Variants in IL1RAP observed in about 807,000 individuals in gnomAD.
The protein encoded by IL1RAP is interleukin 1 receptor accessory protein, also known as interleukin-1 receptor accessory protein.
IL1RAP carries 35 observed loss-of-function variants against 60.7 expected under a neutral mutation model. That is an observed-to-expected ratio of 0.58 (90% CI 0.44 to 0.76). IL1RAP has a LOEUF of 0.76. Among genes scored for constraint, IL1RAP ranks in the 30% least tolerant of loss-of-function variants. The pLI is 0.00. For synonymous variants in IL1RAP, 268 were observed against 250.9 expected (o/e 1.07, Z -0.64); for missense variants, 572 against 693.9 (o/e 0.82, Z 1.97).
At chr3:190,579,870 T>A (rs961909551) in intron 3 of IL1RAP, among the ~76,000 whole-genome samples, 6 of 152,222 alleles carry the variant, frequency 3.9e-5, no homozygotes, top group African/African-American at 1.2e-4. Context: ...TTTCACTTAA[T>A]GCAATGTTTT....
chr3:190,616,342 T>C (rs977047342), intron 5 of IL1RAP, among the ~76,000 whole-genome samples: 13 of 152,180 alleles, frequency 8.5e-5, no homozygotes, highest in African/African-American at 2.7e-4. Context: ...GAGCTAACTA[T>C]ATTGTACTTA....
intron 1 of IL1RAP, among the ~76,000 whole-genome samples, chr3:190,524,220 A>C (rs1049098758): frequency 6.6e-6 from 1 of 151,886 alleles, no homozygotes; most frequent in Non-Finnish European, 1.5e-5. Flanking sequence ...TTTCTTGTAA[A>C]TTTGTTTAGG....
chr3:190,633,306 T>A (rs1212867470), intron 9 of IL1RAP, among the ~76,000 whole-genome samples: 1 of 152,218 alleles, frequency 6.6e-6, no homozygotes, highest in East Asian at 1.9e-4. Flanking sequence ...TGCATATATA[T>A]TGTTAAATGT....
intron 1 of IL1RAP, among the ~76,000 whole-genome samples, chr3:190,529,747 G>A (rs1333054243): frequency 1.3e-5 from 2 of 151,228 alleles, no homozygotes; most frequent in Non-Finnish European, 2.9e-5. Context: ...CCAGCTACTC[G>A]GGAGGCTGAG....
chr3:190,580,796 G>T (rs2108678256), intron 3 of IL1RAP, among the ~76,000 whole-genome samples: 1 of 152,268 alleles, frequency 6.6e-6, no homozygotes, highest in East Asian at 1.9e-4. Flanking sequence ...GTTACATAAA[G>T]TGTTCTTATC....
chr3:190,608,941 C>A, intron 4 of IL1RAP, 54 bp from the exon 5 acceptor site: 1 of 1,376,658 alleles, frequency 7.3e-7, no homozygotes, highest in Non-Finnish European at 1.0e-6. Flanking sequence ...AATGTGGTTG[C>A]TCTATGAAAT....
intron 1 of IL1RAP, among the ~76,000 whole-genome samples, chr3:190,552,116 G>C (rs907402781): frequency 5.3e-5 from 8 of 152,128 alleles, no homozygotes; most frequent in African/African-American, 1.9e-4. Context: ...TGTAACTAAA[G>C]TTTGATTTTG....
At chr3:190,591,475 A>G (rs1728934436) in intron 3 of IL1RAP, among the ~76,000 whole-genome samples, 1 of 152,088 alleles carries the variant, frequency 6.6e-6, no homozygotes, top group Non-Finnish European at 1.5e-5. Flanking sequence ...TCCTCTCTCG[A>G]CTGCATTCAC....
chr3:190,612,178 TA>T (rs933920714), intron 5 of IL1RAP, among the ~76,000 whole-genome samples: 3 of 152,164 alleles, frequency 2.0e-5, no homozygotes, highest in African/African-American at 7.2e-5. Context: ...TAGTCTCAAT[TA>T]ATACTTGTTG....
intron 1 of IL1RAP, among the ~76,000 whole-genome samples, chr3:190,522,289 G>GCTTCCTTTC (rs1553824622): frequency 6.6e-5 from 9 of 135,466 alleles, no homozygotes; most frequent in Non-Finnish European, 1.1e-4. Flanking sequence ...GCCTTCCTTT[G>GCTTCCTTTC]CTTCCTTCCT....
chr3:190,611,872 G>A (rs1730852833), intron 5 of IL1RAP, among the ~76,000 whole-genome samples: 1 of 152,166 alleles, frequency 6.6e-6, no homozygotes, highest in Non-Finnish European at 1.5e-5. Flanking sequence ...TGCAGAGACT[G>A]ATTTAAGAGA....
At chr3:190,619,720 C>A (rs1731596008) in intron 5 of IL1RAP, among the ~76,000 whole-genome samples, 1 of 146,592 alleles carries the variant, frequency 6.8e-6, no homozygotes, top group Admixed American at 6.9e-5. Context: ...CTGATGAGAC[C>A]CTATCTCAAA....
At chr3:190,613,488 G>A (rs534106802) in intron 5 of IL1RAP, among the ~76,000 whole-genome samples, 1 of 152,278 alleles carries the variant, frequency 6.6e-6, no homozygotes, top group Non-Finnish European at 1.5e-5. Context: ...AAAGTGAGAA[G>A]AGAACTGAGC....
chr3:190,639,195 T>G (rs185154778), intron 9 of IL1RAP, among the ~76,000 whole-genome samples: 16 of 152,310 alleles, frequency 1.1e-4, no homozygotes, highest in Non-Finnish European at 1.9e-4. Flanking sequence ...TCAGCCATTT[T>G]CTTTTCAAAT....
intron 10 of IL1RAP, 95 bp from the exon 11 acceptor site, chr3:190,645,604 G>A (rs1040311434): frequency 8.2e-6 from 8 of 979,640 alleles, no homozygotes; most frequent in Non-Finnish European, 6.1e-6. Flanking sequence ...GTCACATAAT[G>A]AAAATGTCTA....
At chr3:190,643,628 A>G (rs1733813078) in intron 9 of IL1RAP, among the ~76,000 whole-genome samples, 1 of 152,246 alleles carries the variant, frequency 6.6e-6, no homozygotes, top group Admixed American at 6.5e-5. Context: ...AACATGGGAA[A>G]TAACTTCCAG....
intron 7 of IL1RAP, among the ~76,000 whole-genome samples, 195 bp from the exon 8 acceptor site, chr3:190,627,128 T>G (rs1732354983): frequency 6.6e-6 from 1 of 152,074 alleles, no homozygotes; most frequent in Non-Finnish European, 1.5e-5. Context: ...CTTATGGGAG[T>G]CGACTAGAGA....
chr3:190,655,908 T>G (rs1734605001), downstream of IL1RAP: 1 of 1,537,178 alleles, frequency 6.5e-7, no homozygotes, highest in Non-Finnish European at 8.7e-7. Context: ...AAGCAGTTTT[T>G]GATTTCATTC....
intron 1 of IL1RAP, among the ~76,000 whole-genome samples, chr3:190,544,029 G>A (rs1197417019): frequency 6.6e-6 from 1 of 152,088 alleles, no homozygotes; most frequent in Non-Finnish European, 1.5e-5. Context: ...TTAGAGAATG[G>A]AAAGAACATT....
Sources: gnomAD v4.1 joint callset for allele counts (sites outside exome capture counted in the v4.1 genomes callset) on GRCh38, gnomAD v4.1.1 for gene constraint, MANE v1.5 for transcripts, NCBI Gene and HGNC (gene_info 2026-07-23, HGNC 2026-07-21) for gene names.